SEPTIN4: variants seen among roughly 807,000 people sequenced by gnomAD.
SEPTIN4 encodes the protein septin-4.
A neutral mutation model predicts 107.1 loss-of-function variants in SEPTIN4; 52 were observed. That is an observed-to-expected ratio of 0.49 (90% CI 0.39 to 0.61). SEPTIN4 has a LOEUF of 0.61. Among genes scored for constraint, SEPTIN4 ranks in the 20% least tolerant of loss-of-function variants. The pLI is 0.00. For synonymous variants in SEPTIN4, 417 were observed against 467.0 expected (o/e 0.89, Z 1.38); for missense variants, 1,048 against 1,243.5 (o/e 0.84, Z 2.36).
chr17:58,531,210 G>A (rs910991178), intron 3 of SEPTIN4: 1 of 152,382 alleles, frequency 6.6e-6, no homozygotes, highest in Non-Finnish European at 1.5e-5. Flanking sequence ...GGCTGGCTGG[G>A]GTTACTGTTT....
intron 3 of SEPTIN4, among the ~76,000 whole-genome samples, chr17:58,534,420 T>C (rs1219036051): frequency 6.6e-6 from 1 of 152,202 alleles, no homozygotes. Context: ...ACTGGACTTC[T>C]CCCAAGTCTA....
At chr17:58,531,824 CG>C in intron 3 of SEPTIN4, 3 of 837,192 alleles carry the variant, frequency 3.6e-6, no homozygotes, top group Non-Finnish European at 4.4e-6. Flanking sequence ...AGCCTGTGCC[CG>C]GGGCCGGCGA....
chr17:58,527,040 A>T, intron 3 of SEPTIN4, 62 bp from the exon 4 acceptor site: 2 of 1,612,268 alleles, frequency 1.2e-6, no homozygotes, highest in African/African-American at 2.7e-5. Flanking sequence ...GGAAGGGAAG[A>T]ATGAGGAAGG....
intron 3 of SEPTIN4, chr17:58,529,053 A>G (rs1485004525): frequency 6.3e-7 from 1 of 1,590,770 alleles, no homozygotes; most frequent in African/African-American, 1.3e-5. Flanking sequence ...TTGAGCCCCA[A>G]TCCCAGCCAA....
chr17:58,536,045 T>C (rs1018894673), intron 3 of SEPTIN4, among the ~76,000 whole-genome samples: 2 of 152,196 alleles, frequency 1.3e-5, no homozygotes, highest in African/African-American at 4.8e-5. Context: ...CCCTTCACAA[T>C]TCTTGATATC....
chr17:58,540,694 C>A, intron 2 of SEPTIN4, 21 bp from the exon 3 acceptor site: 1 of 1,339,044 alleles, frequency 7.5e-7, no homozygotes, highest in Non-Finnish European at 9.5e-7. Flanking sequence ...AGAGTAGAAG[C>A]CAGGCATTCC....
intron 7 of SEPTIN4, 55 bp downstream of exon 7, chr17:58,525,023 G>A (rs1489004337): frequency 1.2e-6 from 2 of 1,611,350 alleles, no homozygotes; most frequent in Non-Finnish European, 1.7e-6. Context: ...GTGTGTACCT[G>A]TGTATGGAGA....
Position 58,543,573 on chromosome 17 carries a change from TCA to T in SEPTIN4, c.612_613del (p.Glu205AlafsTer9), listed in dbSNP as rs1567980030. 3 of 1,614,204 alleles carry T rather than the reference TCA, an allele frequency of 1.9e-6. No individual in the cohort carries two copies. The highest frequency in any genetic ancestry group is 4.5e-5 in the East Asian group (2 of 44,880). Reference sequence around the variant, plus strand: ...AGTAGTCGTAATTCTTTGGATGGGCTCAGTTTGTACTGCTTCATCCTTTGGGT... The same window carrying T: ...AGTAGTCGTAATTCTTTGGATGGGCTGTTTGTACTGCTTCATCCTTTGGGT... On this transcript the variant is annotated frameshift_variant, in exon 1 of 14. Coordinates refer to ENST00000672673, the MANE Select transcript of SEPTIN4 (RefSeq NM_001368771.2). LOFTEE classifies it high-confidence loss of function.
chr17:58,540,562 C>T (rs1300987675), intron 3 of SEPTIN4, 104 bp downstream of exon 3: 2 of 913,526 alleles, frequency 2.2e-6, no homozygotes, highest in Non-Finnish European at 1.5e-6. Context: ...TAGGGAGCAG[C>T]TCTGTCTCCC....
chr17:58,535,617 T>C (rs1484621808), intron 3 of SEPTIN4, among the ~76,000 whole-genome samples: 4 of 152,256 alleles, frequency 2.6e-5, no homozygotes, highest in Non-Finnish European at 5.9e-5. Flanking sequence ...TATGCCTCCA[T>C]GCTGGAAGCT....
At position 58,521,572 on chromosome 17, in the gene SEPTIN4, G is replaced by A; in HGVS notation, c.2544C>T (p.Asp848=). The A allele has an allele frequency of 6.2e-7, 1 of 1,614,210 alleles. No individual in the cohort carries two copies. The highest frequency in any genetic ancestry group is 8.5e-7 in the Non-Finnish European group (1 of 1,180,040). ...FPDCDSDEDE[D]FKLQDQALKE... is the part of the protein sequence containing the mutation. The stretch of plus-strand genomic sequence containing the variant: ...TTAGGGCTTGGTCCTGCAATTTGAA[G>A]TCCTCATCCTCATCAGAGTCACAGT... Residue 848 remains aspartate, a synonymous_variant, in exon 10 of 14, where the codon GAC becomes GAT. Transcript: ENST00000672673. The surrounding 1 kb of genome is among the most constrained non-coding windows in gnomAD (Gnocchi z 6.4).
chr17:58,527,210 A>G (rs963024756), intron 3 of SEPTIN4: 7 of 809,760 alleles, frequency 8.6e-6, no homozygotes, highest in Non-Finnish European at 1.5e-5. Flanking sequence ...GGGTCCAGGA[A>G]GAGCCCTGGG....
At position 58,521,093 on chromosome 17, in the gene SEPTIN4, G is replaced by T; in HGVS notation, c.2736C>A (p.Asp912Glu). ...RTMLVRTHMQDLKDVTRETHY... is the reference protein window; with the variant it reads ...RTMLVRTHMQELKDVTRETHY... The stretch of plus-strand genomic sequence containing the variant: ...GTGTCTCCCGTGTCACATCCTTCAG[G>T]TCCTGCATGTGGGTACGTACCAGCA... The change falls in exon 12 of 14, where the codon GAC becomes GAA. Residue 912 changes from aspartate (D) to glutamate (E), a missense_variant. Transcript: ENST00000672673. This position sits in a 1 kb window ranked among gnomAD's most constrained non-coding sequence, Gnocchi z 6.4. 1 of 1,614,106 alleles carries T rather than the reference G, an allele frequency of 6.2e-7. No homozygotes were observed. Among genetic ancestry groups the T allele is most frequent in the Non-Finnish European group, 8.5e-7 (1 of 1,180,026 alleles).
At chr17:58,541,339 CAA>C (rs1216672990) in intron 2 of SEPTIN4, among the ~76,000 whole-genome samples, 2 of 152,170 alleles carry the variant, frequency 1.3e-5, no homozygotes, top group African/African-American at 2.4e-5. Context: ...CCAGAGAGGC[CAA>C]GAGTATAAAG....
Position 58,543,514 on chromosome 17 carries a change from G to C in SEPTIN4, c.673C>G (p.Leu225Val). 1 of 1,614,192 alleles carries C rather than the reference G, an allele frequency of 6.2e-7. No individual in the cohort carries two copies. The highest frequency in any genetic ancestry group is 8.5e-7 in the Non-Finnish European group (1 of 1,180,032). ...EIRSPRSPSL[L>V]EHGSSCVSAD... ...GAGACACAGCTGCTTCCGTGCTCTA[G>C]GAGAGAGGGACTCCTTGGAGATCTG... The change falls in exon 1 of 14, where the codon CTA (leucine) becomes GTA (valine). Residue 225 changes from leucine (L) to valine (V), a missense_variant. Physicochemically the swap from Leu to Val is conservative, Grantham distance 32 (BLOSUM62 1). This residue lies in a region of SEPTIN4 where 787 missense variants were observed against 871.8 expected (regional missense o/e 0.90). Coordinates refer to ENST00000672673, the MANE Select transcript of SEPTIN4 (RefSeq NM_001368771.2).
intron 3 of SEPTIN4, chr17:58,539,193 G>A: frequency 3.9e-6 from 6 of 1,533,412 alleles, no homozygotes; most frequent in Non-Finnish European, 4.4e-6. Context: ...CTCTGCTGCT[G>A]AACAGGGCTG....
intron 6 of SEPTIN4, 100 bp from the exon 7 acceptor site, chr17:58,525,301 C>T: frequency 7.0e-7 from 1 of 1,420,386 alleles, no homozygotes; most frequent in East Asian, 2.3e-5. Context: ...ACTGCCTAAT[C>T]CACACTGCCC....
Position 58,543,671 on chromosome 17 carries a change from G to C in SEPTIN4, c.516C>G (p.Ile172Met), listed in dbSNP as rs1276765712. The C allele has an allele frequency of 7.4e-6, 12 of 1,614,098 alleles. No individual in the cohort carries two copies. The African/African-American group carries it at 1.2e-4, about 16-fold the overall frequency. ...QDQKNNLQSQ[I>M]LEDDPPSKVQ... ...CCTTGGATGGTGGGTCATCTTCTAA[G>C]ATTTGTGATTGTAAGTTATTCTTCT... The change falls in exon 1 of 14, where the codon ATC becomes ATG. Residue 172 changes from isoleucine to methionine, a missense_variant. By Grantham distance (10) the Ile-to-Met change is conservative. Coordinates refer to ENST00000672673, the MANE Select transcript of SEPTIN4 (RefSeq NM_001368771.2).
Position 58,526,854 on chromosome 17 carries a change from G to T in SEPTIN4, c.1739C>A (p.Pro580Gln). 6.2e-7 allele frequency: 1 copy of T among 1,613,670 alleles called. No homozygotes were observed. Among genetic ancestry groups the T allele is most frequent in the South Asian group, 1.1e-5 (1 of 91,032 alleles). Residue 580 changes from proline (P) to glutamine (Q), a missense_variant, in exon 4 of 14, where the codon CCG becomes CAG. By Grantham distance (76) the Pro-to-Gln change is moderately conservative. Transcript: ENST00000672673. The stretch of plus-strand genomic sequence containing the variant: ...GTCCGGGGCCTGGGGCCTTGGCTCC[G>T]GGACTTGGGGCCTGGATGCCCAGGT... ...AKTWASRPQV[P>Q]EPRPQAPDLY... is the part of the protein sequence containing the mutation.
Sources: allele counts gnomAD v4.1 joint callset (sites outside exome capture counted in the v4.1 genomes callset), GRCh38; gene constraint gnomAD v4.1.1; regional missense constraint gnomAD v4.1.1; non-coding constraint Gnocchi (gnomAD v3.1); transcripts MANE v1.5; gene names NCBI Gene and HGNC (gene_info 2026-07-23, HGNC 2026-07-21).